TYW1: variants seen among roughly 807,000 people sequenced by gnomAD.
The protein encoded by TYW1 is tRNA-yW synthesizing protein 1 homolog.
Under a neutral mutation model 96.2 loss-of-function variants are expected in TYW1, and 46 were observed. The ratio of observed to expected loss-of-function variants is 0.48; its 90% CI spans 0.38 to 0.61. The LOEUF (loss-of-function observed/expected upper bound fraction) is 0.61, where lower values mean the gene tolerates loss of function less well. TYW1 is among the 20% of genes least tolerant of loss of function. The probability of loss-of-function intolerance (pLI) is 0.00; values close to 1 mark genes in which losing one functional copy is unlikely to be tolerated. For synonymous variants in TYW1, 274 were observed against 323.0 expected (o/e 0.85, Z 1.63); for missense variants, 684 against 909.6 (o/e 0.75, Z 3.19).
intron 7 of TYW1, among the ~76,000 whole-genome samples, chr7:67,042,031 A>C (rs1334247346): frequency 4.1e-5 from 3 of 73,184 alleles, no homozygotes; most frequent in Non-Finnish European, 9.0e-5. Context: ...TTATATAATT[A>C]TATTAGAATT....
intron 13 of TYW1, among the ~76,000 whole-genome samples, chr7:67,181,746 C>G (rs2116299227): frequency 6.6e-6 from 1 of 152,208 alleles, no homozygotes; most frequent in East Asian, 1.9e-4. Flanking sequence ...ATCACCTTTG[C>G]CATAGTCTGT....
chr7:67,139,765 G>GTT (rs1490819059), intron 13 of TYW1, among the ~76,000 whole-genome samples: 2 of 151,534 alleles, frequency 1.3e-5, no homozygotes, highest in Non-Finnish European at 2.9e-5. Context: ...GTGTGTGTGT[G>GTT]TGTGTGTATG....
At chr7:67,187,297 C>T (rs1294625223) in intron 14 of TYW1, among the ~76,000 whole-genome samples, 2 of 152,136 alleles carry the variant, frequency 1.3e-5, no homozygotes, top group Non-Finnish European at 2.9e-5. Context: ...CTCCTGAGCT[C>T]AGGTGATCCA....
chr7:67,050,192 G>A, intron 8 of TYW1, 126 bp downstream of exon 8: 1 of 1,139,058 alleles, frequency 8.8e-7, no homozygotes, highest in Non-Finnish European at 1.3e-6. Context: ...ACAGTCTAAA[G>A]ATTTACCTTT....
chr7:67,207,696 A>C (rs1292476274), intron 15 of TYW1, among the ~76,000 whole-genome samples: 1 of 72,976 alleles, frequency 1.4e-5, no homozygotes, highest in African/African-American at 6.5e-5. Context: ...TTTTTTTTGG[A>C]GATGGAGTCA....
intron 3 of TYW1, among the ~76,000 whole-genome samples, chr7:67,008,180 G>A (rs1416466497): frequency 2.0e-5 from 3 of 152,156 alleles, no homozygotes; most frequent in Non-Finnish European, 4.4e-5. Flanking sequence ...CACAGGGCCA[G>A]CTATGGAGGG....
intron 15 of TYW1, among the ~76,000 whole-genome samples, chr7:67,196,000 C>G (rs960441580): frequency 1.3e-5 from 2 of 151,848 alleles, no homozygotes; most frequent in African/African-American, 2.4e-5. Flanking sequence ...ATATGTTCTC[C>G]TCTAGGACTC....
At chr7:67,008,485 G>A (rs1793677930) in intron 3 of TYW1, among the ~76,000 whole-genome samples, 1 of 152,124 alleles carries the variant, frequency 6.6e-6, no homozygotes, top group Admixed American at 6.6e-5. Context: ...ACTCCAGTAA[G>A]CCATCTCATT....
chr7:67,181,267 A>G (rs1799832271), intron 13 of TYW1, among the ~76,000 whole-genome samples: 2 of 152,160 alleles, frequency 1.3e-5, no homozygotes, highest in African/African-American at 2.4e-5. Context: ...TAAAATTTCT[A>G]TAAGATTTTT....
intron 8 of TYW1, among the ~76,000 whole-genome samples, chr7:67,054,732 G>A (rs1374659279): frequency 2.0e-5 from 3 of 152,150 alleles, no homozygotes; most frequent in African/African-American, 7.2e-5. Context: ...TTGTGAGAGC[G>A]ACTCATGATA....
intron 9 of TYW1, among the ~76,000 whole-genome samples, chr7:67,061,817 T>C (rs1584514163): frequency 1.3e-5 from 2 of 152,206 alleles, no homozygotes; most frequent in African/African-American, 4.8e-5. Context: ...CTTTACCAAA[T>C]TGTTGTATAC....
intron 12 of TYW1, among the ~76,000 whole-genome samples, chr7:67,108,589 G>A (rs1291253047): frequency 6.6e-6 from 1 of 151,742 alleles, no homozygotes; most frequent in East Asian, 2.0e-4. Context: ...ATACCGGTGC[G>A]CGCCACCACA....
chr7:67,144,320 A>T (rs1395682641), intron 13 of TYW1, among the ~76,000 whole-genome samples: 1 of 152,240 alleles, frequency 6.6e-6, no homozygotes, highest in Non-Finnish European at 1.5e-5. Context: ...CTGGCAAGCC[A>T]CAAGGGAATA....
intron 3 of TYW1, among the ~76,000 whole-genome samples, chr7:67,007,716 C>T (rs927495101): frequency 1.7e-4 from 26 of 152,030 alleles, no homozygotes; most frequent in Admixed American, 1.1e-3. Context: ...CTCACTGCAA[C>T]CTCTGCCTCC....
intron 10 of TYW1, among the ~76,000 whole-genome samples, chr7:67,081,220 CTTTTT>C (rs59852863): frequency 2.4e-4 from 29 of 120,156 alleles, no homozygotes; most frequent in Non-Finnish European, 3.1e-4. Context: ...GCTTGGTGGT[CTTTTT>C]TTTTTTTTTT....
At chr7:67,112,972 C>G (rs966378448) in intron 12 of TYW1, among the ~76,000 whole-genome samples, 3 of 152,192 alleles carry the variant, frequency 2.0e-5, no homozygotes, top group Non-Finnish European at 4.4e-5. Context: ...TCCCCGAATT[C>G]CATTTGCCAT....
intron 13 of TYW1, among the ~76,000 whole-genome samples, chr7:67,164,363 A>C (rs1351870091): frequency 3.9e-5 from 6 of 152,168 alleles, no homozygotes; most frequent in Non-Finnish European, 7.3e-5. Flanking sequence ...TAATCCCAGC[A>C]TTTTGGGAGG....
intron 10 of TYW1, among the ~76,000 whole-genome samples, chr7:67,072,003 T>A (rs1796044542): frequency 6.7e-6 from 1 of 149,284 alleles, no homozygotes; most frequent in South Asian, 2.2e-4. Flanking sequence ...AGCCTAAAGA[T>A]CGGGCAGAGG....
chr7:67,227,506 C>G (rs1489467628), intron 15 of TYW1, among the ~76,000 whole-genome samples: 1 of 152,146 alleles, frequency 6.6e-6, no homozygotes, highest in South Asian at 2.1e-4. Context: ...ATCCTCCCAC[C>G]TCAGCTGCCC....
Sources: gnomAD v4.1 joint callset for allele counts (sites outside exome capture counted in the v4.1 genomes callset) on GRCh38, gnomAD v4.1.1 for gene constraint, MANE v1.5 for transcripts, NCBI Gene and HGNC (gene_info 2026-07-23, HGNC 2026-07-21) for gene names.